Variants in SHISA2 observed in about 807,000 individuals in gnomAD.
SHISA2 encodes the protein shisa family member 2.
In SHISA2, 16 loss-of-function variants were observed where a neutral mutation model predicts 23.8. The observed-to-expected ratio is 0.67, with a 90% CI of 0.46 to 1.02. The LOEUF (loss-of-function observed/expected upper bound fraction) is 1.02, where lower values mean the gene tolerates loss of function less well. SHISA2 is among the 50% of genes least tolerant of loss of function. The pLI is 0.00. For missense variants in SHISA2, 459 were observed against 420.1 expected, an observed-to-expected ratio of 1.09 and a Z score of -0.81; for synonymous variants, 201 against 178.6, an observed-to-expected ratio of 1.13 and a Z score of -1.00.
rs1957257462 is a variant in SHISA2 at position 26,045,030 on chromosome 13, T to C, written c.*1483A>G. ...TTTTCTCTTAACAATCCTTAGTGCC[T>C]GAAAAATAAGCCATTTTGATAACAA... On this transcript the variant is annotated 3_prime_UTR_variant, in exon 2 of 2. Transcript: ENST00000319420. 1 of 152,190 alleles carries C rather than the reference T, an allele frequency of 6.6e-6. No individual in the cohort carries two copies. Among genetic ancestry groups the C allele is most frequent in the Non-Finnish European group, 1.5e-5 (1 of 68,026 alleles). 9.4% of individuals were successfully genotyped at this position (152,190 alleles called of 1,614,324 possible). A position where few individuals can be genotyped will look rare whatever the true frequency, so the allele number is the denominator to read the frequency against.
chr13:26,050,638 C>T lies in SHISA2; in HGVS notation c.334+4G>A. On this transcript the variant is annotated splice_donor_region_variant and intron_variant, in intron 1 of 1. Coordinates refer to ENST00000319420, the MANE Select transcript of SHISA2 (RefSeq NM_001007538.2). ...CCTTTCGCGCTGGGCGCAGGCCGCC[C>T]TACCTGCCGAGCCGTCGGGGCCGTC... is the stretch of plus-strand genomic sequence containing the variant. The T allele has an allele frequency of 7.2e-7, 1 of 1,394,998 alleles. No homozygotes were observed. The highest frequency in any genetic ancestry group is 9.2e-7 in the Non-Finnish European group (1 of 1,084,264). 86.4% of individuals were successfully genotyped at this position (1,394,998 alleles called of 1,614,324 possible). A position where few individuals can be genotyped will look rare whatever the true frequency, so the allele number is the denominator to read the frequency against.
rs1181362083 is a variant in SHISA2, at chr13:26,046,271, C to T, written c.*242G>A. 6 of 501,942 alleles carry T rather than the reference C, an allele frequency of 1.2e-5. No homozygotes were observed. Among genetic ancestry groups the T allele is most frequent in the African/African-American group, 7.6e-5 (4 of 52,394 alleles). The allele number at this position is 501,942 out of a possible 1,614,324, so 31.1% of individuals were successfully genotyped here. On this transcript the variant is annotated 3_prime_UTR_variant, in exon 2 of 2. Coordinates refer to ENST00000319420, the MANE Select transcript of SHISA2 (RefSeq NM_001007538.2). ...TTCGGACTCAAGCATTTGTTATACA[C>T]CCATCAGCAACATCACAGTCATCTC...
At chr13:26,048,800 T>C (rs939008486) in intron 1 of SHISA2, among the ~76,000 whole-genome samples, 4 of 152,226 alleles carry the variant, frequency 2.6e-5, no homozygotes, top group Admixed American at 2.6e-4. Flanking sequence ...CAATACTTTA[T>C]AGGTATTTAA....
In SHISA2 at chr13:26,046,811, G is replaced by T. The variant is rs372812470; in HGVS notation, c.590C>A (p.Ala197Glu). The T allele has an allele frequency of 6.2e-7, 1 of 1,614,126 alleles. No homozygotes were observed. The highest frequency in any genetic ancestry group is 8.5e-7 in the Non-Finnish European group (1 of 1,180,008). ...GTTGGTCTGTGACCTTGTTGGGGGC[G>T]CCCGGGCCCCTGAGTTGGCGCTGGA... ...SSSSANSGAR[A>E]PPTRSQTNCC... is the part of the protein sequence containing the mutation. Residue 197 changes from alanine (A) to glutamate (E), a missense_variant, in exon 2 of 2, where the codon GCG (alanine) becomes GAG (glutamate). Ala to Glu is a moderately radical substitution (Grantham distance 107, BLOSUM62 -1). Transcript: ENST00000319420.
In SHISA2 at chr13:26,046,706, G is replaced by T. The variant is rs1232696279; in HGVS notation, c.695C>A (p.Ala232Asp). Residue 232 changes from alanine (A) to aspartate (D), a missense_variant, in exon 2 of 2, where the codon GCC becomes GAC. Physicochemically the swap from Ala to Asp is moderately radical, Grantham distance 126. Coordinates refer to ENST00000319420, the MANE Select transcript of SHISA2 (RefSeq NM_001007538.2). ...CCCTTGATGTGGCACAATCTGGGTG[G>T]CCTGCTGACAGTTCAGCACAGAGAA... is the stretch of plus-strand genomic sequence containing the variant. ...TNFSVLNCQQ[A>D]TQIVPHQGQY... The T allele has an allele frequency of 6.2e-7, 1 of 1,614,204 alleles. No homozygotes were observed. The highest frequency in any genetic ancestry group is 1.3e-5 in the African/African-American group (1 of 75,046).
In SHISA2 at chr13:26,051,779, G is replaced by C. The variant is rs1957306239; in HGVS notation, c.-804C>G. 2.0e-5 allele frequency among the ~76,000 whole-genome samples: 3 copies of C among 152,096 alleles called. No homozygotes were observed. The highest frequency in any genetic ancestry group is 6.5e-5 in the Admixed American group (1 of 15,282). On this transcript the variant is annotated 5_prime_UTR_variant, in exon 1 of 2. Coordinates refer to ENST00000319420, the MANE Select transcript of SHISA2 (RefSeq NM_001007538.2). ...GCTGCTGCTGGGCGCGGATCCAGGCGGGCGGCTCGCCCCGGTTCCCCTTCT... is the reference window on the plus strand; with the variant it reads ...GCTGCTGCTGGGCGCGGATCCAGGCCGGCGGCTCGCCCCGGTTCCCCTTCT...
chr13:26,046,345 CAT>C lies in SHISA2; in HGVS notation c.*166_*167del, dbSNP rs1407083061. On this transcript the variant is annotated 3_prime_UTR_variant, in exon 2 of 2. Coordinates refer to ENST00000319420, the MANE Select transcript of SHISA2 (RefSeq NM_001007538.2). ...TAAATCAATGATACCCTGGATGAAACATATCCAGAAATGCTAATTCGGAGATG... is the reference window on the plus strand; with the variant it reads ...TAAATCAATGATACCCTGGATGAAACATCCAGAAATGCTAATTCGGAGATG... The C allele has an allele frequency of 7.1e-6, 5 of 707,652 alleles. No homozygotes were observed. Among genetic ancestry groups the C allele is most frequent in the South Asian group, 4.2e-5 (2 of 48,012 alleles). 43.8% of individuals were successfully genotyped at this position (707,652 alleles called of 1,614,324 possible).
chr13:26,049,251 G>GC lies in SHISA2; in HGVS notation c.334+1390dup, dbSNP rs1957284802. Among the ~76,000 whole-genome samples, 8 of 152,260 alleles carry GC rather than the reference G, an allele frequency of 5.3e-5. No homozygotes were observed. In the South Asian group the frequency reaches 1.5e-3, roughly 28 times the overall value. ...GATAAGGAATGTAACGCTACTATAA[G>GC]CCCCCCGGCAGGCTTAATTAGGCAT... On this transcript the variant is annotated intron_variant, in intron 1 of 1. Transcript: ENST00000319420.
Position 26,046,891 on chromosome 13 carries a change from G to T in SHISA2, c.510C>A (p.Ala170=), listed in dbSNP as rs777970325. ...LMETIPMIPS[A]STSRGSSSRQ... ...GTGAGGACGACCCCCGGGAGGTGCTGGCACTGGGGATCATGGGGATGGTCT... is the reference window on the plus strand; with the variant it reads ...GTGAGGACGACCCCCGGGAGGTGCTTGCACTGGGGATCATGGGGATGGTCT... Residue 170 remains alanine, a synonymous_variant, in exon 2 of 2, where the codon GCC becomes GCA. Coordinates refer to ENST00000319420, the MANE Select transcript of SHISA2 (RefSeq NM_001007538.2). The T allele has an allele frequency of 6.2e-7, 1 of 1,613,660 alleles. No homozygotes were observed. Among genetic ancestry groups the T allele is most frequent in the South Asian group, 1.1e-5 (1 of 91,010 alleles).
Position 26,046,518 on chromosome 13 carries a change from C to G in SHISA2, c.883G>C (p.Val295Leu). The G allele has an allele frequency of 6.3e-7, 1 of 1,595,606 alleles. No homozygotes were observed. Among genetic ancestry groups the G allele is most frequent in the Non-Finnish European group, 8.6e-7 (1 of 1,168,318 alleles). The change falls in exon 2 of 2, where the codon GTA becomes CTA. Residue 295 changes from valine to leucine, a missense_variant. Val to Leu is a conservative substitution (Grantham distance 32). Coordinates refer to ENST00000319420, the MANE Select transcript of SHISA2 (RefSeq NM_001007538.2). The stretch of plus-strand genomic sequence containing the variant: ...AACCCACCAGTGACTCTCGGTTATA[C>G]AGTCACCGCTGGGTACATCTTCTGT... ...SEQKMYPAVTV is the reference protein window; with the variant it reads ...SEQKMYPAVTL
At position 26,046,249 on chromosome 13, in the gene SHISA2, G is replaced by T; in HGVS notation, c.*264C>A. The T allele has an allele frequency of 2.7e-6, 1 of 374,676 alleles. No individual in the cohort carries two copies. Among genetic ancestry groups the T allele is most frequent in the Admixed American group, 4.1e-5 (1 of 24,242 alleles). 23.2% of individuals were successfully genotyped at this position (374,676 alleles called of 1,614,324 possible). A position where few individuals can be genotyped will look rare whatever the true frequency, so the allele number is the denominator to read the frequency against. ...GTCAACCATATCTCAAGGGCACTTC[G>T]GACTCAAGCATTTGTTATACACCCA... On this transcript the variant is annotated 3_prime_UTR_variant, in exon 2 of 2. Coordinates refer to ENST00000319420, the MANE Select transcript of SHISA2 (RefSeq NM_001007538.2).
In SHISA2 at chr13:26,051,894, G is replaced by T. The variant is rs897466712; in HGVS notation, c.-919C>A. On this transcript the variant is annotated 5_prime_UTR_variant, in exon 1 of 2. Transcript: ENST00000319420. ...CCGGTCGCTGCCTCGCCCTCGGGAG[G>T]TGTGCGCACCGATGGAAGCCTCCCA... Among the ~76,000 whole-genome samples the T allele has an allele frequency of 1.3e-5, 2 of 152,172 alleles. No homozygotes were observed. Among genetic ancestry groups the T allele is most frequent in the African/African-American group, 4.8e-5 (2 of 41,458 alleles).
chr13:26,049,336 A>C (rs1031592104), intron 1 of SHISA2, among the ~76,000 whole-genome samples: 2 of 152,352 alleles, frequency 1.3e-5, no homozygotes, highest in African/African-American at 2.4e-5. Flanking sequence ...AAAAACGTTT[A>C]AAAGTAGCAT....
chr13:26,049,176 A>T (rs929796542), intron 1 of SHISA2, among the ~76,000 whole-genome samples: 2 of 152,338 alleles, frequency 1.3e-5, no homozygotes, highest in African/African-American at 2.4e-5. Flanking sequence ...GGGAGAAATA[A>T]GTGTTCTCTT....
intron 1 of SHISA2, among the ~76,000 whole-genome samples, chr13:26,048,229 G>A (rs769295947): frequency 6.6e-6 from 1 of 152,158 alleles, no homozygotes; most frequent in Non-Finnish European, 1.5e-5. Flanking sequence ...CTTGAACCCA[G>A]GAGGCAGAAG....
intron 1 of SHISA2, among the ~76,000 whole-genome samples, chr13:26,050,350 G>C (rs1396299990): frequency 6.6e-6 from 1 of 152,210 alleles, no homozygotes; most frequent in Non-Finnish European, 1.5e-5. Flanking sequence ...AGAGGGGCCC[G>C]GAGGACCCTG....
Position 26,051,227 on chromosome 13 carries a change from TG to T in SHISA2, c.-253del. On this transcript the variant is annotated 5_prime_UTR_variant, in exon 1 of 2. Coordinates refer to ENST00000319420, the MANE Select transcript of SHISA2 (RefSeq NM_001007538.2). The stretch of plus-strand genomic sequence containing the variant: ...CTGCCTTATGAGTTGCACTCGCTGA[TG>T]GAAATCTCGGGATGCAGTCAGAAGG... Among the ~76,000 whole-genome samples, 1 of 152,158 alleles carries T rather than the reference TG, an allele frequency of 6.6e-6. No homozygotes were observed. Among genetic ancestry groups the T allele is most frequent in the Non-Finnish European group, 1.5e-5 (1 of 68,020 alleles).
In SHISA2 at chr13:26,050,894, C is replaced by A; in HGVS notation, c.82G>T (p.Ala28Ser). The A allele has an allele frequency of 2.0e-6, 3 of 1,519,584 alleles. No homozygotes were observed. The highest frequency in any genetic ancestry group is 2.6e-6 in the Non-Finnish European group (3 of 1,141,136). The allele number at this position is 1,519,584 out of a possible 1,614,324, so 94.1% of individuals were successfully genotyped here. A position where few individuals can be genotyped will look rare whatever the true frequency, so the allele number is the denominator to read the frequency against. Residue 28 changes from alanine (A) to serine (S), a missense_variant, in exon 1 of 2, where the codon GCG becomes TCG. By Grantham distance (99) the Ala-to-Ser change is moderately conservative. Transcript: ENST00000319420. ...TCGCCGCTGGCCCTCGCCCCCGCCG[C>A]CAGCAGCGCAGCCAGCAGCAGCTGC... is the stretch of plus-strand genomic sequence containing the variant. ...LLQLLLAALL[A>S]AGARASGEYC...
intron 1 of SHISA2, 23 bp downstream of exon 1, chr13:26,050,619 G>C: frequency 7.2e-7 from 1 of 1,384,694 alleles, no homozygotes. Flanking sequence ...CCTCCCTTTC[G>C]CGCTGGGCGC....
Sources: gnomAD v4.1 joint callset for allele counts (sites outside exome capture counted in the v4.1 genomes callset) on GRCh38, gnomAD v4.1.1 for gene constraint, MANE v1.5 for transcripts, NCBI Gene and HGNC (gene_info 2026-07-23, HGNC 2026-07-21) for gene names.